GSTM3: variants seen among roughly 807,000 people sequenced by gnomAD.
GSTM3 encodes GST class-mu 3.
Under a neutral mutation model 36.1 loss-of-function variants are expected in GSTM3, and 34 were observed. The ratio of observed to expected loss-of-function variants is 0.94; its 90% CI spans 0.72 to 1.25. The LOEUF (loss-of-function observed/expected upper bound fraction) is 1.25, where lower values mean the gene tolerates loss of function less well. Among genes scored for constraint, GSTM3 ranks in the 50% most tolerant of loss-of-function variants. The probability of loss-of-function intolerance (pLI) is 0.00; values close to 1 mark genes in which losing one functional copy is unlikely to be tolerated. For synonymous variants in GSTM3, 102 were observed against 99.5 expected (o/e 1.03, Z -0.15); for missense variants, 266 against 281.6 (o/e 0.94, Z 0.40).
intron 8 of GSTM3, 111 bp from the exon 9 acceptor site, chr1:109,737,280 T>C (rs1649229508): frequency 1.2e-6 from 1 of 860,572 alleles, no homozygotes; most frequent in Non-Finnish European, 2.0e-6. Flanking sequence ...CATTTTTTTG[T>C]AGACAGTGCC....
chr1:109,739,318 C>T (rs1477126364), intron 4 of GSTM3, 111 bp downstream of exon 4: 7 of 633,954 alleles, frequency 1.1e-5, no homozygotes, highest in South Asian at 2.6e-5. Flanking sequence ...TTATTCTATC[C>T]GGGTTAAGAT....
chr1:109,739,583 A>G (rs1330482064), intron 3 of GSTM3, 90 bp from the exon 4 acceptor site: 1 of 967,288 alleles, frequency 1.0e-6, no homozygotes, highest in Non-Finnish European at 1.6e-6. Context: ...TGGTCCCAAT[A>G]CCTCAAATTC....
chr1:109,734,421 T>C lies in GSTM3; in HGVS notation c.*2650A>G, dbSNP rs1393392160. 1 of 152,166 alleles carries C rather than the reference T, an allele frequency of 6.6e-6. No homozygotes were observed. Among genetic ancestry groups the C allele is most frequent in the Non-Finnish European group, 1.5e-5 (1 of 68,026 alleles). 9.4% of individuals were successfully genotyped at this position (152,166 alleles called of 1,614,324 possible). ...GTGAACATAGTTCCTTTCTATCCCT[T>C]CTCCTGAGACCTTCCCTCTCTATGT... On this transcript the variant is annotated 3_prime_UTR_variant, in exon 9 of 9. Transcript: ENST00000361066.
Position 109,740,491 on chromosome 1 carries a change from G to C in GSTM3, c.-204C>G. 1.7e-6 allele frequency: 1 copy of C among 591,900 alleles called. No homozygotes were observed. Among genetic ancestry groups the C allele is most frequent in the South Asian group, 2.0e-5 (1 of 50,164 alleles). The allele number at this position is 591,900 out of a possible 1,614,324, so 36.7% of individuals were successfully genotyped here. On this transcript the variant is annotated 5_prime_UTR_variant, in exon 2 of 9. Transcript: ENST00000361066. The stretch of plus-strand genomic sequence containing the variant: ...GGGGTTCAGGGCCTGGCGACCCCGA[G>C]GCGGGACCCGGGCAGGAGTGCTGCA...
chr1:109,740,340 C>G lies in GSTM3; in HGVS notation c.-53G>C, dbSNP rs750789679. ...CTAGGGAAACTGTGAGCGGGAGGGG[C>G]TTTATACCCGACATAAGGGGGCGGG... is the stretch of plus-strand genomic sequence containing the variant. On this transcript the variant is annotated 5_prime_UTR_variant, in exon 2 of 9. Coordinates refer to ENST00000361066, the MANE Select transcript of GSTM3 (RefSeq NM_000849.5). The G allele has an allele frequency of 1.3e-6, 2 of 1,544,872 alleles. No homozygotes were observed. The highest frequency in any genetic ancestry group is 1.8e-6 in the Non-Finnish European group (2 of 1,122,176).
chr1:109,738,131 A>C lies in GSTM3; in HGVS notation c.332T>G (p.Phe111Cys), dbSNP rs762509545. 6.2e-7 allele frequency: 1 copy of C among 1,613,870 alleles called. No individual in the cohort carries two copies. Among genetic ancestry groups the C allele is most frequent in the South Asian group, 1.1e-5 (1 of 91,078 alleles). ...ACAGAGCCTTATCAGTTGTGTGCGG[A>C]AATCCATTACTTGGTTCTCTATGAT... ...VDIIENQVMD[F>C]RTQLIRLCYS... The change falls in exon 6 of 9, where the codon TTC becomes TGC. Residue 111 changes from phenylalanine to cysteine, a missense_variant. Coordinates refer to ENST00000361066, the MANE Select transcript of GSTM3 (RefSeq NM_000849.5).
Position 109,734,030 on chromosome 1 carries a change from C to G in GSTM3, c.*3041G>C, listed in dbSNP as rs1649139400. The G allele has an allele frequency of 6.6e-6, 1 of 152,208 alleles. No homozygotes were observed. Among genetic ancestry groups the G allele is most frequent in the Admixed American group, 6.5e-5 (1 of 15,284 alleles). The allele number at this position is 152,208 out of a possible 1,614,324, so 9.4% of individuals were successfully genotyped here. Reference sequence around the variant, plus strand: ...AGGTTGCCAGTAAGGCGTCTGTGTTCTGTGTCTTTTATGTGGCAGAAGCTG... The same window carrying G: ...AGGTTGCCAGTAAGGCGTCTGTGTTGTGTGTCTTTTATGTGGCAGAAGCTG... On this transcript the variant is annotated 3_prime_UTR_variant, in exon 9 of 9. Transcript: ENST00000361066.
rs1043656596 is a variant in GSTM3 at position 109,740,961 on chromosome 1, T to G, written c.-233A>C. ...CTCTGTGATCCTCCTACCTGCATCC[T>G]AATTTCCACAGCCTATCCTTCCTCA... On this transcript the variant is annotated 5_prime_UTR_variant, in exon 1 of 9. Coordinates refer to ENST00000361066, the MANE Select transcript of GSTM3 (RefSeq NM_000849.5). The G allele has an allele frequency of 2.6e-5, 4 of 152,886 alleles. No homozygotes were observed. The highest frequency in any genetic ancestry group is 5.8e-5 in the Non-Finnish European group (4 of 68,524). The allele number at this position is 152,886 out of a possible 1,614,324, so 9.5% of individuals were successfully genotyped here.
At position 109,740,164 on chromosome 1, in the gene GSTM3, A is replaced by G. The variant is rs1649328053; in HGVS notation, c.48+76T>C. Reference sequence around the variant, plus strand: ...CCGCGTAGAGCTGCTCCTGCTGGAGATCGCGGACCCAGAGACCCGCCCTCT... The same window carrying G: ...CCGCGTAGAGCTGCTCCTGCTGGAGGTCGCGGACCCAGAGACCCGCCCTCT... On this transcript the variant is annotated intron_variant, in intron 2 of 8. Coordinates refer to ENST00000361066, the MANE Select transcript of GSTM3 (RefSeq NM_000849.5). 3.0e-6 allele frequency: 4 copies of G among 1,327,986 alleles called. No homozygotes were observed. The South Asian group carries it at 3.7e-5, about 12-fold the overall frequency. 82.3% of individuals were successfully genotyped at this position (1,327,986 alleles called of 1,614,324 possible). A position where few individuals can be genotyped will look rare whatever the true frequency, so the allele number is the denominator to read the frequency against.
In GSTM3 at chr1:109,739,748, C is replaced by G. The variant is rs1186659161; in HGVS notation, c.124+85G>C. ...GGGCAAACGTCCCACCCGGCCTTGG[C>G]GCGACGCCACCACCCTCTGGGCGTA... On this transcript the variant is annotated intron_variant, in intron 3 of 8. Coordinates refer to ENST00000361066, the MANE Select transcript of GSTM3 (RefSeq NM_000849.5). The G allele has an allele frequency of 2.8e-6, 3 of 1,062,794 alleles. No individual in the cohort carries two copies. In the South Asian group the frequency reaches 4.2e-5, roughly 15 times the overall value. 65.8% of individuals were successfully genotyped at this position (1,062,794 alleles called of 1,614,324 possible).
At chr1:109,738,468 T>A in intron 4 of GSTM3, 102 bp from the exon 5 acceptor site, 1 of 750,558 alleles carries the variant, frequency 1.3e-6, no homozygotes, top group Non-Finnish European at 2.3e-6. Context: ...TGAACAAGAG[T>A]GAGAAGATGC....
intron 2 of GSTM3, 81 bp from the exon 3 acceptor site, chr1:109,739,989 C>A: frequency 1.7e-6 from 2 of 1,184,638 alleles, no homozygotes; most frequent in Non-Finnish European, 2.4e-6. Context: ...CGGCCCGGGG[C>A]TGCCGAGTCC....
chr1:109,737,187 C>T lies in GSTM3; in HGVS notation c.580-18G>A. On this transcript the variant is annotated intron_variant, in intron 8 of 8. Coordinates refer to ENST00000361066, the MANE Select transcript of GSTM3 (RefSeq NM_000849.5). ...TCCAAAGCCTGAAAGGAAAATACAC[C>T]AAATCTTATAACGACCCCAACCCAG... 1 of 1,553,718 alleles carries T rather than the reference C, an allele frequency of 6.4e-7. No individual in the cohort carries two copies. Among genetic ancestry groups the T allele is most frequent in the Non-Finnish European group, 8.9e-7 (1 of 1,124,864 alleles).
intron 4 of GSTM3, among the ~76,000 whole-genome samples, chr1:109,739,029 G>A (rs774652510): frequency 7.9e-5 from 12 of 152,222 alleles, no homozygotes; most frequent in Admixed American, 3.9e-4. Flanking sequence ...GCTGAGGTGG[G>A]AGGACTGCTT....
At chr1:109,739,632 T>C (rs1649307773) in intron 3 of GSTM3, 139 bp from the exon 4 acceptor site, 13 of 761,080 alleles carry the variant, frequency 1.7e-5, no homozygotes, top group Non-Finnish European at 2.7e-5. Context: ...CTCTGAGCCC[T>C]ATTTGGTTAA....
rs1649189733 is a variant in GSTM3 at position 109,735,972 on chromosome 1, G to A, written c.*1099C>T. ...GAGTTTTTATAGCATGGAATTGCTG[G>A]GTCATAGGATATGATTTAAATTTTA... is the stretch of plus-strand genomic sequence containing the variant. On this transcript the variant is annotated 3_prime_UTR_variant, in exon 9 of 9. Transcript: ENST00000361066. 1 of 152,086 alleles carries A rather than the reference G, an allele frequency of 6.6e-6. No individual in the cohort carries two copies. The highest frequency in any genetic ancestry group is 1.5e-5 in the Non-Finnish European group (1 of 68,012). 9.4% of individuals were successfully genotyped at this position (152,086 alleles called of 1,614,324 possible).
Position 109,740,339 on chromosome 1 carries a change from G to A in GSTM3, c.-52C>T, listed in dbSNP as rs763859166. The A allele has an allele frequency of 6.5e-7, 1 of 1,549,272 alleles. No individual in the cohort carries two copies. Among genetic ancestry groups the A allele is most frequent in the Non-Finnish European group, 8.9e-7 (1 of 1,125,724 alleles). ...ACTAGGGAAACTGTGAGCGGGAGGGGCTTTATACCCGACATAAGGGGGCGG... is the reference window on the plus strand; with the variant it reads ...ACTAGGGAAACTGTGAGCGGGAGGGACTTTATACCCGACATAAGGGGGCGG... On this transcript the variant is annotated 5_prime_UTR_variant, in exon 2 of 9. Coordinates refer to ENST00000361066, the MANE Select transcript of GSTM3 (RefSeq NM_000849.5).
chr1:109,738,330 G>C lies in GSTM3; in HGVS notation c.226C>G (p.Gln76Glu). 6.2e-7 allele frequency: 1 copy of C among 1,614,054 alleles called. No individual in the cohort carries two copies. Among genetic ancestry groups the C allele is most frequent in the Non-Finnish European group, 8.5e-7 (1 of 1,179,888 alleles). Reference sequence around the variant, plus strand: ...ATGTAGCGCAAGATGGCATTGCTCTGGGTGATCTTGTTCTTCCCATCCAGG... The same window carrying C: ...ATGTAGCGCAAGATGGCATTGCTCTCGGTGATCTTGTTCTTCCCATCCAGG... ...YLLDGKNKITQSNAILRYIAR... is the reference protein window; with the variant it reads ...YLLDGKNKITESNAILRYIAR... Residue 76 changes from glutamine to glutamate, a missense_variant, in exon 5 of 9, where the codon CAG becomes GAG. Gln to Glu is a conservative substitution (Grantham distance 29, BLOSUM62 2). Coordinates refer to ENST00000361066, the MANE Select transcript of GSTM3 (RefSeq NM_000849.5).
At chr1:109,739,538 C>T in intron 3 of GSTM3, 45 bp from the exon 4 acceptor site, 1 of 1,388,958 alleles carries the variant, frequency 7.2e-7, no homozygotes, top group Non-Finnish European at 1.0e-6. Context: ...CTTAATACCC[C>T]ACCTGACAAG....
Sources: gnomAD v4.1 joint callset for allele counts (sites outside exome capture counted in the v4.1 genomes callset) on GRCh38, gnomAD v4.1.1 for gene constraint, MANE v1.5 for transcripts, NCBI Gene and HGNC (gene_info 2026-07-23, HGNC 2026-07-21) for gene names.